The following ASMTL variants were observed in gnomAD, a reference collection of about 807,000 sequenced individuals.
The protein encoded by ASMTL is acetylserotonin O-methyltransferase like, also known as probable bifunctional dTTP/UTP pyrophosphatase/methyltransferase protein.
Under a neutral mutation model 60.3 loss-of-function variants are expected in ASMTL, and 57 were observed. That is an observed-to-expected ratio of 0.95 (90% CI 0.76 to 1.18). ASMTL has a LOEUF of 1.18. Among genes scored for constraint, ASMTL ranks in the 50% most tolerant of loss-of-function variants. The pLI, the probability that ASMTL is intolerant of heterozygous loss-of-function variation, is 0.00. For missense variants in ASMTL, 981 were observed against 852.6 expected (o/e 1.15, Z -1.88); for synonymous variants, 419 against 373.0 (o/e 1.12, Z -1.42).
chrX:1,403,616 A>T, intron 12 of ASMTL, 127 bp from the exon 13 acceptor site: 1 of 809,102 alleles, frequency 1.2e-6, no homozygotes. Flanking sequence ...ACCCTTGGCC[A>T]GGGGGCCCAC....
intron 5 of ASMTL, among the ~76,000 whole-genome samples, chrX:1,432,882 G>C (rs1211002529): frequency 2.0e-5 from 3 of 152,414 alleles, no homozygotes; most frequent in South Asian, 4.1e-4. Flanking sequence ...TGGATCACCA[G>C]AGGCCAGGGG....
intron 9 of ASMTL, among the ~76,000 whole-genome samples, chrX:1,420,126 T>G (rs1437848933): frequency 6.6e-6 from 1 of 151,232 alleles, no homozygotes; most frequent in Non-Finnish European, 1.5e-5. Context: ...CATCTCCCTC[T>G]ATGTGTCTGT....
At position 1,405,461 on chromosome X, in the gene ASMTL, G is replaced by T. The variant is rs187257064; in HGVS notation, c.1646-1972C>A. 4.7e-3 allele frequency among the ~76,000 whole-genome samples: 714 copies of T among 151,610 alleles called. 8 individuals carry two copies. Among genetic ancestry groups the T allele is most frequent in the African/African-American group, 0.016 (678 of 41,290 alleles). On this transcript the variant is annotated intron_variant, in intron 12 of 12. Coordinates refer to ENST00000381317, the MANE Select transcript of ASMTL (RefSeq NM_004192.4). ...GATGGGTGAATAGATAGTAGATGATGGTTAGGTAGGTAGATGAGTGGATAG... is the reference window on the plus strand; with the variant it reads ...GATGGGTGAATAGATAGTAGATGATTGTTAGGTAGGTAGATGAGTGGATAG...
chrX:1,450,393 C>T (rs1292524565), intron 1 of ASMTL, among the ~76,000 whole-genome samples: 1 of 151,798 alleles, frequency 6.6e-6, no homozygotes, highest in Admixed American at 6.6e-5. Context: ...CACTCACCTC[C>T]CCAATCCCTA....
chrX:1,416,477 AC>A, intron 11 of ASMTL, among the ~76,000 whole-genome samples: 1 of 151,700 alleles, frequency 6.6e-6, no homozygotes, highest in African/African-American at 2.4e-5. Flanking sequence ...ACACACATGG[AC>A]ATACAGATAC....
intron 2 of ASMTL, among the ~76,000 whole-genome samples, chrX:1,439,956 T>A (rs189318519): frequency 6.6e-6 from 1 of 152,062 alleles, no homozygotes; most frequent in Non-Finnish European, 1.5e-5. Context: ...ACAGGACATC[T>A]GTGTGCAGCT....
At chrX:1,438,962 G>A (rs878882437) in intron 3 of ASMTL, 135 bp downstream of exon 3, 1 of 990,968 alleles carries the variant, frequency 1.0e-6, no homozygotes. Flanking sequence ...TCTGCTGGTA[G>A]TTTGTGATGG....
At chrX:1,445,706 T>C (rs1360694875) in intron 1 of ASMTL, among the ~76,000 whole-genome samples, 1 of 152,216 alleles carries the variant, frequency 6.6e-6, no homozygotes, top group African/African-American at 2.4e-5. Context: ...ATACCAGATA[T>C]AGATCTTAGA....
rs2089869044 is a variant in ASMTL, at chrX:1,406,833, GTAGA to G, written c.1646-3348_1646-3345del. On this transcript the variant is annotated intron_variant, in intron 12 of 12. Transcript: ENST00000381317. ...TGAATAGATAATAGATGATGGGTAG[GTAGA>G]TGAATGGATGGATAGATGGGTGCAT... Among the ~76,000 whole-genome samples the G allele has an allele frequency of 2.0e-5, 3 of 151,300 alleles. No homozygotes were observed. The South Asian group carries it at 6.3e-4, about 32-fold the overall frequency.
chrX:1,414,376 C>T (rs1339773873), intron 11 of ASMTL, among the ~76,000 whole-genome samples: 1 of 152,102 alleles, frequency 6.6e-6, no homozygotes, highest in African/African-American at 2.4e-5. Flanking sequence ...GAGCTGTTTT[C>T]CCCCAGCTGC....
chrX:1,419,855 C>CA (rs2090424707), intron 9 of ASMTL, among the ~76,000 whole-genome samples: 1 of 152,232 alleles, frequency 6.6e-6, no homozygotes, highest in African/African-American at 2.4e-5. Flanking sequence ...GCTGGCTGCT[C>CA]ACGCCAGCTC....
At chrX:1,425,755 A>C in intron 7 of ASMTL, 68 bp from the exon 8 acceptor site, 27 of 1,527,406 alleles carry the variant, frequency 1.8e-5, no homozygotes, top group African/African-American at 2.7e-5. Flanking sequence ...CCACAGACTC[A>C]AAAGATGGAG....
rs751353386 is a variant in ASMTL, at chrX:1,436,501, C to T, written c.274-743G>A. On this transcript the variant is annotated intron_variant, in intron 3 of 12. Transcript: ENST00000381317. The stretch of plus-strand genomic sequence containing the variant: ...CCGAGTAGCTGGGACTACAGGCGCC[C>T]GCCACCACACCCGGCTAATTTTTTG... Among the ~76,000 whole-genome samples the T allele has an allele frequency of 1.7e-3, 245 of 143,662 alleles. 1 individual carries two copies. Among genetic ancestry groups the T allele is most frequent in the Middle Eastern group, 3.5e-3 (1 of 288 alleles). 94.2% of individuals were successfully genotyped at this position (143,662 alleles called of 152,430 possible).
chrX:1,447,215 C>T (rs2091245916), intron 1 of ASMTL, among the ~76,000 whole-genome samples: 1 of 152,218 alleles, frequency 6.6e-6, no homozygotes, highest in African/African-American at 2.4e-5. Context: ...ACACACCACC[C>T]CTCGTCCTGT....
intron 9 of ASMTL, among the ~76,000 whole-genome samples, chrX:1,420,594 A>T (rs1177436240): frequency 1.3e-5 from 2 of 151,906 alleles, no homozygotes; most frequent in African/African-American, 4.8e-5. Flanking sequence ...GCAGACCGAG[A>T]CCCACCCATC....
At chrX:1,452,910 C>CA (rs757005962), upstream of ASMTL, 1,089 of 1,241,922 alleles carry the variant, frequency 8.8e-4, 3 homozygotes, top group African/African-American at 9.9e-3. Context: ...AGCGCGGCTG[C>CA]AAAAAAAACA....
chrX:1,449,928 C>T (rs1274377971), intron 1 of ASMTL, among the ~76,000 whole-genome samples: 5 of 149,672 alleles, frequency 3.3e-5, no homozygotes, highest in Non-Finnish European at 7.4e-5. Flanking sequence ...TCACCAGTAA[C>T]TAACCCCCAC....
chrX:1,442,450 C>G (rs1449107024), intron 1 of ASMTL, 133 bp from the exon 2 acceptor site: 4 of 1,032,736 alleles, frequency 3.9e-6, no homozygotes, highest in African/African-American at 3.2e-5. Context: ...GCTCATCCAT[C>G]CGCCAAGCTT....
At chrX:1,444,496 T>A (rs1338670338) in intron 1 of ASMTL, among the ~76,000 whole-genome samples, 1 of 152,104 alleles carries the variant, frequency 6.6e-6, no homozygotes, top group Non-Finnish European at 1.5e-5. Flanking sequence ...GATGTGAGCC[T>A]CTGCGCCCAG....
Sources: gnomAD v4.1 joint callset for allele counts (sites outside exome capture counted in the v4.1 genomes callset) on GRCh38, gnomAD v4.1.1 for gene constraint, MANE v1.5 for transcripts, NCBI Gene and HGNC (gene_info 2026-07-23, HGNC 2026-07-21) for gene names.